The following FAM171B variants were observed in gnomAD, a reference collection of about 807,000 sequenced individuals.
The protein encoded by FAM171B is family with sequence similarity 171 member B, also known as protein FAM171B.
Under a neutral mutation model 75.6 loss-of-function variants are expected in FAM171B, and 19 were observed. That is an observed-to-expected ratio of 0.25 (90% CI 0.18 to 0.37). The LOEUF is 0.37. Ranked by LOEUF, FAM171B falls within the 10% of genes least tolerant of loss-of-function variation. FAM171B has a pLI of 1.00. For missense variants in FAM171B, 848 were observed against 982.4 expected (o/e 0.86, Z 1.83); for synonymous variants, 367 against 361.7 (o/e 1.01, Z -0.17).
intron 1 of FAM171B, among the ~76,000 whole-genome samples, chr2:186,724,437 T>C (rs896076143): frequency 6.6e-6 from 1 of 152,218 alleles, no homozygotes; most frequent in African/African-American, 2.4e-5. Flanking sequence ...GCCTTCCCTA[T>C]GTAGAGACAC....
chr2:186,752,089 T>C (rs569375816), intron 5 of FAM171B, among the ~76,000 whole-genome samples: 8 of 152,292 alleles, frequency 5.3e-5, no homozygotes, highest in African/African-American at 1.9e-4. Flanking sequence ...AACGTTATAC[T>C]TTGCCAGGTT....
At position 186,762,577 on chromosome 2, in the gene FAM171B, C is replaced by T; in HGVS notation, c.2235C>T (p.Ser745=). The change falls in exon 8 of 8, where the codon AGC becomes AGT. Residue 745 remains serine, a synonymous_variant. Transcript: ENST00000304698. This position sits in a 1 kb window ranked among gnomAD's most constrained non-coding sequence, Gnocchi z 4.0. ...ILYLEDLDLS[S]SESGTTVCSP... ...ACTTAGAAGATTTAGACCTAAGCAG[C>T]AGTGAGAGTGGAACCACCGTCTGTT... 1 of 1,613,498 alleles carries T rather than the reference C, an allele frequency of 6.2e-7. No homozygotes were observed. Among genetic ancestry groups the T allele is most frequent in the East Asian group, 2.2e-5 (1 of 44,852 alleles).
chr2:186,733,965 A>T (rs1176336393), intron 1 of FAM171B, among the ~76,000 whole-genome samples: 1 of 152,122 alleles, frequency 6.6e-6, no homozygotes, highest in East Asian at 1.9e-4. Context: ...CAATGTGGTG[A>T]GTAGAGGGGC....
Position 186,754,056 on chromosome 2 carries a change from T to G in FAM171B, c.1012+7T>G. 1.3e-6 allele frequency: 2 copies of G among 1,571,342 alleles called. No individual in the cohort carries two copies. The highest frequency in any genetic ancestry group is 1.7e-6 in the Non-Finnish European group (2 of 1,157,244). ...CCACTTCCAGGAACTAGAGGTATTG[T>G]AAAAAATGAAAGTAATTAAAACATG... On this transcript the variant is annotated splice_region_variant and intron_variant, in intron 6 of 7. Coordinates refer to ENST00000304698, the MANE Select transcript of FAM171B (RefSeq NM_177454.4).
chr2:186,762,371 C>G lies in FAM171B; in HGVS notation c.2029C>G (p.Leu677Val). The G allele has an allele frequency of 6.2e-7, 1 of 1,613,660 alleles. No homozygotes were observed. Among genetic ancestry groups the G allele is most frequent in the Admixed American group, 1.7e-5 (1 of 59,932 alleles). ...GCATCCCAGAGCCTGGTTTGTGTCT[C>G]TTGATGGAAAGCCAGTTGCACAAGT... ...SPHPRAWFVS[L>V]DGKPVAQVRH... Residue 677 changes from leucine to valine, a missense_variant, in exon 8 of 8, where the codon CTT becomes GTT. This residue lies in a region of FAM171B where 47 missense variants were observed against 94.0 expected (regional missense o/e 0.50). Transcript: ENST00000304698. The surrounding 1 kb of genome is among the most constrained non-coding windows in gnomAD (Gnocchi z 4.0).
At position 186,764,122 on chromosome 2, in the gene FAM171B, C is replaced by T. The variant is rs879082333; in HGVS notation, c.*1299C>T. On this transcript the variant is annotated 3_prime_UTR_variant, in exon 8 of 8. Transcript: ENST00000304698. Reference sequence around the variant, plus strand: ...TCGTTATTCATTAAAATCAACTGATCCCATTTTTCTTAAAATTTCCCTGAA... The same window carrying T: ...TCGTTATTCATTAAAATCAACTGATTCCATTTTTCTTAAAATTTCCCTGAA... 1 of 152,148 alleles carries T rather than the reference C, an allele frequency of 6.6e-6. No individual in the cohort carries two copies. Among genetic ancestry groups the T allele is most frequent in the Admixed American group, 6.6e-5 (1 of 15,248 alleles). The allele number at this position is 152,148 out of a possible 1,614,324, so 9.4% of individuals were successfully genotyped here.
intron 1 of FAM171B, among the ~76,000 whole-genome samples, chr2:186,710,503 C>G (rs1430911507): frequency 6.6e-6 from 1 of 152,134 alleles, no homozygotes; most frequent in Non-Finnish European, 1.5e-5. Context: ...TCTTCTCCCT[C>G]TTTTTTAAGT....
chr2:186,712,660 G>A (rs766432454), intron 1 of FAM171B, among the ~76,000 whole-genome samples: 19 of 152,192 alleles, frequency 1.2e-4, no homozygotes, highest in Admixed American at 3.9e-4. Flanking sequence ...TTCTTTCCCT[G>A]TTCTGTACTT....
At position 186,762,200 on chromosome 2, in the gene FAM171B, T is replaced by G. The variant is rs1167650609; in HGVS notation, c.1858T>G (p.Trp620Gly). Residue 620 changes from tryptophan (W) to glycine (G), a missense_variant, in exon 8 of 8, where the codon TGG becomes GGG. Physicochemically the swap from Trp to Gly is radical, Grantham distance 184. Coordinates refer to ENST00000304698, the MANE Select transcript of FAM171B (RefSeq NM_177454.4). The surrounding 1 kb of genome is among the most constrained non-coding windows in gnomAD (Gnocchi z 4.0). ...GAGCCTGCCATCCCAGGCTTCAGAT[T>G]GGAGCCGATACTCAAGCAGCTTACT... ...QQSLPSQASD[W>G]SRYSSSLLES... 11 of 1,613,562 alleles carry G rather than the reference T, an allele frequency of 6.8e-6. No homozygotes were observed. The highest frequency in any genetic ancestry group is 1.3e-5 in the African/African-American group (1 of 74,880).
At chr2:186,728,719 G>C (rs1309566587) in intron 1 of FAM171B, among the ~76,000 whole-genome samples, 1 of 152,100 alleles carries the variant, frequency 6.6e-6, no homozygotes, top group Non-Finnish European at 1.5e-5. Flanking sequence ...AATTATTATA[G>C]ATACTTGCTT....
intron 1 of FAM171B, among the ~76,000 whole-genome samples, chr2:186,704,982 C>T (rs535946946): frequency 7.9e-5 from 12 of 152,284 alleles, no homozygotes; most frequent in African/African-American, 1.4e-4. Flanking sequence ...GCAGAACAGG[C>T]GAGCCCCAAA....
intron 1 of FAM171B, among the ~76,000 whole-genome samples, chr2:186,737,131 CT>C (rs1287363755): frequency 1.3e-5 from 2 of 152,152 alleles, no homozygotes; most frequent in Non-Finnish European, 2.9e-5. Flanking sequence ...GGTCACATGT[CT>C]AGGGAATGGC....
intron 1 of FAM171B, among the ~76,000 whole-genome samples, chr2:186,718,195 G>C: frequency 8.5e-6 from 1 of 118,004 alleles, no homozygotes; most frequent in African/African-American, 3.1e-5. Context: ...TCCAGTTTCT[G>C]ACTGTCTAAG....
At chr2:186,738,704 C>T (rs1690242801) in intron 1 of FAM171B, among the ~76,000 whole-genome samples, 1 of 152,088 alleles carries the variant, frequency 6.6e-6, no homozygotes, top group African/African-American at 2.4e-5. Flanking sequence ...TCTCCTGTTG[C>T]TATTGATAGC....
At chr2:186,705,596 T>C (rs1689723090) in intron 1 of FAM171B, among the ~76,000 whole-genome samples, 1 of 152,152 alleles carries the variant, frequency 6.6e-6, no homozygotes, top group African/African-American at 2.4e-5. Context: ...ATTAAGCCTT[T>C]GTAAGTGGAC....
At chr2:186,694,515 T>G in intron 1 of FAM171B, 104 bp downstream of exon 1, 1 of 1,415,054 alleles carries the variant, frequency 7.1e-7, no homozygotes, top group Non-Finnish European at 9.4e-7. Context: ...TCCTCGTTCG[T>G]TCCTGTCACC....
chr2:186,755,327 T>C (rs1690517583), intron 6 of FAM171B, among the ~76,000 whole-genome samples: 1 of 152,322 alleles, frequency 6.6e-6, no homozygotes, highest in South Asian at 2.1e-4. Flanking sequence ...CCTTTATTCT[T>C]GTAGGTTTGT....
chr2:186,751,765 C>T (rs949564830), intron 5 of FAM171B, among the ~76,000 whole-genome samples: 6 of 152,182 alleles, frequency 3.9e-5, no homozygotes, highest in Non-Finnish European at 5.9e-5. Flanking sequence ...TTCTGGGTTT[C>T]GCCTCCTAAA....
chr2:186,715,458 C>T lies in FAM171B; in HGVS notation c.238+21047C>T, dbSNP rs531871753. Among the ~76,000 whole-genome samples, 5 of 152,240 alleles carry T rather than the reference C, an allele frequency of 3.3e-5. No individual in the cohort carries two copies. The South Asian group carries it at 6.2e-4, about 19-fold the overall frequency. ...GCTCAAGCAATCCTCAGGCCTCCCCCTCACAGAATGCTAGGATTACAAGCA... is the reference window on the plus strand; with the variant it reads ...GCTCAAGCAATCCTCAGGCCTCCCCTTCACAGAATGCTAGGATTACAAGCA... On this transcript the variant is annotated intron_variant, in intron 1 of 7. Coordinates refer to ENST00000304698, the MANE Select transcript of FAM171B (RefSeq NM_177454.4).
Sources: gnomAD v4.1 joint callset for allele counts (sites outside exome capture counted in the v4.1 genomes callset) on GRCh38, gnomAD v4.1.1 for gene constraint, gnomAD v4.1.1 regional missense constraint, Gnocchi (gnomAD v3.1) non-coding constraint, MANE v1.5 for transcripts, NCBI Gene and HGNC (gene_info 2026-07-23, HGNC 2026-07-21) for gene names.